Variants in SLC38A11 observed in about 807,000 individuals in gnomAD.
SLC38A11 encodes solute carrier family 38 member 11, also known as putative sodium-coupled neutral amino acid transporter 11.
Under a neutral mutation model 49.4 loss-of-function variants are expected in SLC38A11, and 51 were observed. The ratio of observed to expected loss-of-function variants is 1.03; its 90% confidence interval spans 0.83 to 1.30. SLC38A11 has a LOEUF of 1.30. Ranked by LOEUF, SLC38A11 falls within the 50% of genes most tolerant of loss-of-function variation. The probability of loss-of-function intolerance (pLI) is 0.00; values close to 1 mark genes in which losing one functional copy is unlikely to be tolerated. For synonymous variants in SLC38A11, 203 were observed against 192.9 expected (o/e 1.05, Z -0.43); for missense variants, 574 against 556.2 (o/e 1.03, Z -0.32).
Position 164,939,530 on chromosome 2 carries a change from G to A in SLC38A11, c.457C>T (p.Arg153Cys), listed in dbSNP as rs1687604331. 2.5e-6 allele frequency: 4 copies of A among 1,609,216 alleles called. No individual in the cohort carries two copies. The highest frequency in any genetic ancestry group is 2.5e-6 in the Non-Finnish European group (3 of 1,177,008). The part of the protein sequence containing the change: ...GVDPENVFIG[R>C]HFIIGLSTVT... ...GTGGAAAGTCCAATAATGAAGTGGC[G>A]ACCAATAAACACGTTTTCAGGATCA... Residue 153 changes from arginine (R) to cysteine (C), a missense_variant, in exon 6 of 12, where the codon CGC becomes TGC. Arg to Cys is a radical substitution (Grantham distance 180, BLOSUM62 -3). Coordinates refer to ENST00000685975, the MANE Select transcript of SLC38A11 (RefSeq NM_001351537.2).
intron 7 of SLC38A11, among the ~76,000 whole-genome samples, chr2:164,921,237 TA>T (rs1686180237): frequency 6.6e-6 from 1 of 152,144 alleles, no homozygotes; most frequent in South Asian, 2.1e-4. Flanking sequence ...AGGGTTGAAA[TA>T]AAAAAGGTTT....
chr2:164,942,321 G>C (rs1687829554), intron 5 of SLC38A11, among the ~76,000 whole-genome samples: 1 of 151,058 alleles, frequency 6.6e-6, no homozygotes, highest in African/African-American at 2.4e-5. Context: ...TGCAATCCGA[G>C]CTACTTGGGA....
intron 9 of SLC38A11, among the ~76,000 whole-genome samples, chr2:164,913,022 T>G (rs2105459019): frequency 6.6e-6 from 1 of 152,164 alleles, no homozygotes; most frequent in East Asian, 1.9e-4. Context: ...AATTGAAAAT[T>G]AAATTTTTTT....
intron 6 of SLC38A11, among the ~76,000 whole-genome samples, chr2:164,938,083 G>A (rs1687501082): frequency 6.6e-6 from 1 of 151,900 alleles, no homozygotes; most frequent in Non-Finnish European, 1.5e-5. Context: ...AGGTTTGTGT[G>A]CCTAGTCTTA....
intron 11 of SLC38A11, among the ~76,000 whole-genome samples, chr2:164,903,074 T>C (rs968216996): frequency 2.6e-5 from 4 of 152,210 alleles, no homozygotes; most frequent in Admixed American, 2.0e-4. Flanking sequence ...GCTTTTTAAG[T>C]TATGGAAGAT....
In SLC38A11 at chr2:164,915,127, T is replaced by C; in HGVS notation, c.835A>G (p.Thr279Ala). The C allele has an allele frequency of 6.2e-7, 1 of 1,607,274 alleles. No individual in the cohort carries two copies. The highest frequency in any genetic ancestry group is 1.1e-5 in the South Asian group (1 of 89,508). Residue 279 changes from threonine (T) to alanine (A), a missense_variant, in exon 9 of 12, where the codon ACT (threonine) becomes GCT (alanine). Transcript: ENST00000685975. ...CTCATTTTACCTTGGGTGAAGCCAG[T>C]AAATGTCAAGTATCCACATGTAGCA... The part of the protein sequence containing the change: ...FFATCGYLTF[T>A]GFTQGDLFEN...
chr2:164,934,001 G>C (rs1461903794), intron 7 of SLC38A11, among the ~76,000 whole-genome samples: 1 of 152,064 alleles, frequency 6.6e-6, no homozygotes, highest in East Asian at 1.9e-4. Flanking sequence ...ACTACTAGAG[G>C]AAGGTCAGAC....
chr2:164,911,523 A>C (rs532173787), intron 10 of SLC38A11, 113 bp downstream of exon 10: 2 of 452,422 alleles, frequency 4.4e-6, no homozygotes, highest in Admixed American at 8.2e-5. Context: ...TACAAATTAT[A>C]CCATTTGTCA....
At chr2:164,944,669 G>A in intron 4 of SLC38A11, 35 bp from the exon 5 acceptor site, 1 of 849,498 alleles carries the variant, frequency 1.2e-6, no homozygotes, top group Non-Finnish European at 1.6e-6. Flanking sequence ...TCATCAATAA[G>A]CCATCTCATA....
chr2:164,910,336 C>T (rs1685312802), intron 10 of SLC38A11, among the ~76,000 whole-genome samples: 1 of 152,054 alleles, frequency 6.6e-6, no homozygotes, highest in Non-Finnish European at 1.5e-5. Context: ...GAGAATGCAC[C>T]ATCTGTTCTT....
rs1389235612 is a variant in SLC38A11 at position 164,911,119 on chromosome 2, T to C, written c.963+517A>G. Reference sequence around the variant, plus strand: ...TAAAATGTATCTGTAAAACTAAAAGTTTCAGTTGAATTTTGGTTCTCCATG... The same window carrying C: ...TAAAATGTATCTGTAAAACTAAAAGCTTCAGTTGAATTTTGGTTCTCCATG... On this transcript the variant is annotated intron_variant, in intron 10 of 11. Transcript: ENST00000685975. Among the ~76,000 whole-genome samples the C allele has an allele frequency of 2.0e-5, 3 of 151,988 alleles. No homozygotes were observed. In the East Asian group the frequency reaches 5.8e-4, roughly 29 times the overall value.
In SLC38A11 at chr2:164,930,492, T is replaced by C. The variant is rs1686925034; in HGVS notation, c.617+6858A>G. Among the ~76,000 whole-genome samples, 4 of 151,734 alleles carry C rather than the reference T, an allele frequency of 2.6e-5. No individual in the cohort carries two copies. In the East Asian group the frequency reaches 7.7e-4, roughly 29 times the overall value. The stretch of plus-strand genomic sequence containing the variant: ...GGCCAATATCTTTGGTGAACATCAA[T>C]GCAAAAATACTCAACAAAATAATGA... On this transcript the variant is annotated intron_variant, in intron 7 of 11. Transcript: ENST00000685975.
intron 3 of SLC38A11, among the ~76,000 whole-genome samples, chr2:164,950,848 T>C (rs1688473093): frequency 6.6e-6 from 1 of 152,160 alleles, no homozygotes; most frequent in Non-Finnish European, 1.5e-5. Flanking sequence ...ACTGATTAAT[T>C]ATAGCTCCAA....
intron 10 of SLC38A11, among the ~76,000 whole-genome samples, chr2:164,909,869 A>G (rs899097888): frequency 6.6e-5 from 10 of 152,072 alleles, no homozygotes; most frequent in African/African-American, 2.4e-4. Context: ...ACATACTGCC[A>G]TGACTTTGCT....
intron 11 of SLC38A11, among the ~76,000 whole-genome samples, chr2:164,906,348 C>T (rs1211477088): frequency 6.6e-6 from 1 of 152,156 alleles, no homozygotes; most frequent in Non-Finnish European, 1.5e-5. Flanking sequence ...CCTGGTACTA[C>T]ATTAAAGAAA....
intron 3 of SLC38A11, among the ~76,000 whole-genome samples, chr2:164,949,193 T>C (rs1055636333): frequency 2.0e-5 from 2 of 101,236 alleles, no homozygotes; most frequent in African/African-American, 7.4e-5. Context: ...CATCGGATTC[T>C]AATTTAATGT....
chr2:164,898,729 C>A lies in SLC38A11; in HGVS notation c.1097G>T (p.Gly366Val). 6.2e-7 allele frequency: 1 copy of A among 1,602,532 alleles called. No homozygotes were observed. The highest frequency in any genetic ancestry group is 8.5e-7 in the Non-Finnish European group (1 of 1,172,654). The change falls in exon 12 of 12, where the codon GGT (glycine) becomes GTT (valine). Residue 366 changes from glycine to valine, a missense_variant and splice_region_variant. Coordinates refer to ENST00000685975, the MANE Select transcript of SLC38A11 (RefSeq NM_001351537.2). ...DCLGIVLELN[G>V]VLCATPLIFI... Reference sequence around the variant, plus strand: ...AATGAGGGGAGTTGCACAGAGCACACCCTGCATGTTGAAAACAAGAAACAA... The same window carrying A: ...AATGAGGGGAGTTGCACAGAGCACAACCTGCATGTTGAAAACAAGAAACAA...
intron 7 of SLC38A11, among the ~76,000 whole-genome samples, chr2:164,920,291 A>G (rs1029396701): frequency 1.3e-5 from 2 of 151,878 alleles, no homozygotes; most frequent in Non-Finnish European, 2.9e-5. Flanking sequence ...AAAAAAAAAA[A>G]AAAAGAAAGG....
chr2:164,930,295 C>T (rs372611436), intron 7 of SLC38A11, among the ~76,000 whole-genome samples: 5 of 151,850 alleles, frequency 3.3e-5, no homozygotes, highest in African/African-American at 9.7e-5. Context: ...AGGACGAGAA[C>T]GATTCACGGC....
Sources: gnomAD v4.1 joint callset for allele counts (sites outside exome capture counted in the v4.1 genomes callset) on GRCh38, gnomAD v4.1.1 for gene constraint, MANE v1.5 for transcripts, NCBI Gene and HGNC (gene_info 2026-07-23, HGNC 2026-07-21) for gene names.